The following TRPM3 variants were observed in gnomAD, a reference collection of about 807,000 sequenced individuals.
TRPM3 encodes the protein long transient receptor potential channel 3.
Under a neutral mutation model 181.2 loss-of-function variants are expected in TRPM3, and 77 were observed. That is an observed-to-expected ratio of 0.42 (90% CI 0.35 to 0.51). The LOEUF is 0.51. Ranked by LOEUF, TRPM3 falls within the 20% of genes least tolerant of loss-of-function variation. TRPM3 has a pLI of 0.01. For missense variants in TRPM3, 1,759 were observed against 2,196.7 expected (o/e 0.80, Z 3.98); for synonymous variants, 745 against 796.4 (o/e 0.94, Z 1.09).
At chr9:71,390,077 T>C (rs1047464146) in intron 1 of TRPM3, among the ~76,000 whole-genome samples, 8 of 152,180 alleles carry the variant, frequency 5.3e-5, no homozygotes, top group African/African-American at 1.7e-4. Context: ...TCTCCAGATA[T>C]GACACATGAG....
chr9:71,265,750 T>C (rs1437257556), intron 1 of TRPM3, among the ~76,000 whole-genome samples: 1 of 152,230 alleles, frequency 6.6e-6, no homozygotes, highest in Non-Finnish European at 1.5e-5. Context: ...CAATATCTAT[T>C]GTATGTTTAC....
chr9:71,208,699 G>A (rs1471504274), intron 1 of TRPM3, among the ~76,000 whole-genome samples: 1 of 152,162 alleles, frequency 6.6e-6, no homozygotes, highest in Non-Finnish European at 1.5e-5. Flanking sequence ...ATCAAAAGTA[G>A]TGCTATTAAC....
chr9:71,307,399 CTGA>C (rs1031612183), intron 1 of TRPM3, among the ~76,000 whole-genome samples: 3 of 151,924 alleles, frequency 2.0e-5, no homozygotes, highest in African/African-American at 7.3e-5. Flanking sequence ...CATCTAAGAG[CTGA>C]TAAGTATTCA....
chr9:71,372,711 A>G (rs570156867), intron 1 of TRPM3, among the ~76,000 whole-genome samples: 2 of 152,258 alleles, frequency 1.3e-5, no homozygotes, highest in Admixed American at 1.3e-4. Flanking sequence ...CATTTCACAC[A>G]TAACAATACT....
intron 1 of TRPM3, chr9:70,865,458 G>A (rs1248540805): frequency 6.6e-6 from 1 of 152,058 alleles, no homozygotes; most frequent in African/African-American, 2.4e-5. Context: ...ATTTCTACAT[G>A]GCATCATCTT....
chr9:71,328,742 G>A (rs1359833378), intron 1 of TRPM3, among the ~76,000 whole-genome samples: 7 of 152,124 alleles, frequency 4.6e-5, no homozygotes. Flanking sequence ...CAATTTATAT[G>A]GAACTGGTTT....
At chr9:70,669,711 TTTTTC>T (rs545222780) in intron 9 of TRPM3, among the ~76,000 whole-genome samples, 2 of 151,822 alleles carry the variant, frequency 1.3e-5, no homozygotes, top group South Asian at 2.1e-4. Flanking sequence ...TTCATTTTTC[TTTTTC>T]TTTTCTTTTC....
chr9:70,619,742 C>T (rs987364986), intron 16 of TRPM3, among the ~76,000 whole-genome samples: 11 of 152,220 alleles, frequency 7.2e-5, no homozygotes, highest in African/African-American at 2.6e-4. Context: ...TGTCAAACTT[C>T]AGTTCAAATT....
intron 1 of TRPM3, among the ~76,000 whole-genome samples, chr9:71,278,963 C>T (rs767693805): frequency 3.4e-5 from 5 of 147,638 alleles, no homozygotes; most frequent in African/African-American, 2.5e-5. Flanking sequence ...TAAGAACATA[C>T]TTCTCTTTTG....
At chr9:71,351,775 A>G (rs762330506) in intron 1 of TRPM3, among the ~76,000 whole-genome samples, 2 of 152,182 alleles carry the variant, frequency 1.3e-5, no homozygotes, top group Non-Finnish European at 2.9e-5. Context: ...GTCCTAAATG[A>G]TAAACACTAA....
At chr9:70,890,969 T>C (rs140338453) in intron 1 of TRPM3, among the ~76,000 whole-genome samples, 28 of 151,798 alleles carry the variant, frequency 1.8e-4, no homozygotes, top group African/African-American at 6.3e-4. Flanking sequence ...ACCTAAAGAA[T>C]TGTTCAGCAA....
At chr9:70,851,698 C>A (rs1470870769) in intron 3 of TRPM3, among the ~76,000 whole-genome samples, 1 of 152,148 alleles carries the variant, frequency 6.6e-6, no homozygotes, top group Non-Finnish European at 1.5e-5. Context: ...GAATGAATGA[C>A]CTAAGAGATC....
rs1318250926 is a variant in TRPM3, at chr9:70,878,513, G to T, written c.178-14002C>A. Among the ~76,000 whole-genome samples the T allele has an allele frequency of 3.3e-5, 5 of 151,996 alleles. No homozygotes were observed. In the East Asian group the frequency reaches 7.7e-4, roughly 23 times the overall value. On this transcript the variant is annotated intron_variant, in intron 1 of 25. Transcript: ENST00000677713. ...TCCTTGTATCTGTTTTTACGTTTAT[G>T]CTGTGTTCTAGAACAATGCTTCTAA...
intron 7 of TRPM3, among the ~76,000 whole-genome samples, chr9:70,769,314 A>G (rs531656831): frequency 1.3e-4 from 20 of 152,200 alleles, no homozygotes; most frequent in African/African-American, 4.8e-4. Context: ...TCAGCTTGCT[A>G]TATCTGCTAC....
chr9:71,026,403 T>C (rs1029039509), intron 1 of TRPM3, among the ~76,000 whole-genome samples: 33 of 152,062 alleles, frequency 2.2e-4, no homozygotes, highest in African/African-American at 7.2e-4. Context: ...ACCAGCAGAG[T>C]GCTCCAGCAG....
At chr9:71,334,683 CT>C (rs2090437167) in intron 1 of TRPM3, among the ~76,000 whole-genome samples, 1 of 152,150 alleles carries the variant, frequency 6.6e-6, no homozygotes, top group Non-Finnish European at 1.5e-5. Context: ...CAACAACCAT[CT>C]TTCTCCCCAA....
chr9:71,219,362 A>C (rs1284369563), intron 1 of TRPM3, among the ~76,000 whole-genome samples: 1 of 152,180 alleles, frequency 6.6e-6, no homozygotes. Context: ...GAACCTCTTA[A>C]TGGTCAACTG....
chr9:70,927,345 T>C (rs2096730798), intron 1 of TRPM3, among the ~76,000 whole-genome samples: 1 of 152,176 alleles, frequency 6.6e-6, no homozygotes, highest in Non-Finnish European at 1.5e-5. Flanking sequence ...CACAGTTGAA[T>C]GTTATTTGAA....
In TRPM3 at chr9:70,625,430, T is replaced by A. The variant is rs986273039; in HGVS notation, c.1668+52A>T. ...TTCTGTAACTAGAGTAAAAAAAAAA[T>A]AATGAAAAAAGAAACATATGAATGT... On this transcript the variant is annotated intron_variant, in intron 13 of 25. Transcript: ENST00000677713. This position sits in a 1 kb window ranked among gnomAD's most constrained non-coding sequence, Gnocchi z 4.8. 2.9e-5 allele frequency: 46 copies of A among 1,565,788 alleles called. No individual in the cohort carries two copies. The highest frequency in any genetic ancestry group is 3.7e-5 in the Non-Finnish European group (43 of 1,153,022).
Sources: gnomAD v4.1 joint callset for allele counts (sites outside exome capture counted in the v4.1 genomes callset) on GRCh38, gnomAD v4.1.1 for gene constraint, Gnocchi (gnomAD v3.1) non-coding constraint, MANE v1.5 for transcripts, NCBI Gene and HGNC (gene_info 2026-07-23, HGNC 2026-07-21) for gene names.